PAM: variants seen among roughly 807,000 people sequenced by gnomAD.
PAM encodes peptidylglycine alpha-amidating monooxygenase.
Under a neutral mutation model 122.1 loss-of-function variants are expected in PAM, and 72 were observed. The observed-to-expected ratio is 0.59, with a 90% confidence interval of 0.49 to 0.72. The LOEUF (loss-of-function observed/expected upper bound fraction) is 0.72. Ranked by LOEUF, PAM falls within the 30% of genes least tolerant of loss-of-function variation. The pLI is 0.00. For synonymous variants in PAM, 389 were observed against 404.4 expected, an observed-to-expected ratio of 0.96 and a Z score of 0.46; for missense variants, 1,106 against 1,183.7, an observed-to-expected ratio of 0.93 and a Z score of 0.96.
chr5:102,929,726 T>G (rs980478823), intron 7 of PAM, among the ~76,000 whole-genome samples: 1 of 152,162 alleles, frequency 6.6e-6, no homozygotes, highest in African/African-American at 2.4e-5. Context: ...TGGTAGAGTA[T>G]CTGAGAGAGT....
chr5:102,997,311 G>T (rs555447027), intron 16 of PAM, among the ~76,000 whole-genome samples: 1 of 152,220 alleles, frequency 6.6e-6, no homozygotes, highest in East Asian at 1.9e-4. Context: ...CTTGAGCCCA[G>T]AAGTTCAAGA....
At chr5:102,973,892 T>C (rs1234940054) in intron 14 of PAM, among the ~76,000 whole-genome samples, 1 of 152,216 alleles carries the variant, frequency 6.6e-6, no homozygotes, top group African/African-American at 2.4e-5. Flanking sequence ...TCTACTAATA[T>C]GTCAATAGAT....
At chr5:102,803,416 C>T (rs1342660922) in intron 1 of PAM, among the ~76,000 whole-genome samples, 1 of 151,888 alleles carries the variant, frequency 6.6e-6, no homozygotes, top group Non-Finnish European at 1.5e-5. Context: ...TGCCATAGGA[C>T]ATAAGTAAGG....
At chr5:102,903,020 A>T (rs998756010) in intron 4 of PAM, among the ~76,000 whole-genome samples, 1 of 151,604 alleles carries the variant, frequency 6.6e-6, no homozygotes, top group Admixed American at 6.6e-5. Flanking sequence ...AAGTGAGTAT[A>T]TTCAGTCAAG....
At position 103,007,023 on chromosome 5, in the gene PAM, G is replaced by A. The variant is rs367556579; in HGVS notation, c.2014+12G>A. 1.9e-6 allele frequency: 3 copies of A among 1,573,092 alleles called. No individual in the cohort carries two copies. The highest frequency in any genetic ancestry group is 2.6e-6 in the Non-Finnish European group (3 of 1,146,284). ...ACAGTGGGGAGAAGGTACCCAATAA[G>A]ACTCTTAATCTCCAGTTGTAATTCT... On this transcript the variant is annotated intron_variant, in intron 19 of 25. Transcript: ENST00000438793.
intron 7 of PAM, among the ~76,000 whole-genome samples, chr5:102,942,736 A>ATTTTTTTTTTTT (rs754559996): frequency 1.4e-5 from 2 of 138,470 alleles, no homozygotes; most frequent in Non-Finnish European, 1.5e-5. Flanking sequence ...TGCCCGGCTA[A>ATTTTTTTTTTTT]TTTTTTTTTT....
In PAM at chr5:102,958,332, A is replaced by G. The variant is rs74939968; in HGVS notation, c.906-1543A>G. The stretch of plus-strand genomic sequence containing the variant: ...AAGATGATTAAAGGTTTTTAAAGCT[A>G]GAGCCACATCTAAAATTCCTTTTTC... On this transcript the variant is annotated intron_variant, in intron 12 of 25. Transcript: ENST00000438793. Among the ~76,000 whole-genome samples the G allele has an allele frequency of 5.7e-3, 863 of 152,350 alleles. 10 individuals carry two copies. The highest frequency in any genetic ancestry group is 0.019 in the African/African-American group (786 of 41,592).
intron 3 of PAM, among the ~76,000 whole-genome samples, chr5:102,876,737 G>C (rs1443398211): frequency 6.6e-6 from 1 of 152,206 alleles, no homozygotes; most frequent in East Asian, 1.9e-4. Flanking sequence ...ACCCGATGGG[G>C]CCAGCTGTGT....
intron 12 of PAM, among the ~76,000 whole-genome samples, chr5:102,956,978 C>CT (rs1486121931): frequency 9.2e-5 from 14 of 152,076 alleles, no homozygotes; most frequent in African/African-American, 2.6e-4. Flanking sequence ...TATTTTGAAG[C>CT]TTTGCAGTAT....
chr5:102,790,861 T>C (rs920531353), intron 1 of PAM, among the ~76,000 whole-genome samples: 10 of 152,054 alleles, frequency 6.6e-5, no homozygotes, highest in Non-Finnish European at 1.3e-4. Flanking sequence ...AAGAAGACAA[T>C]ATTTTTAAAT....
intron 1 of PAM, among the ~76,000 whole-genome samples, chr5:102,772,851 T>A (rs919164747): frequency 2.0e-5 from 3 of 152,138 alleles, no homozygotes; most frequent in African/African-American, 7.2e-5. Context: ...TGTGTCTACC[T>A]TTTAATTTCA....
At chr5:103,013,015 C>T (rs1321484659) in intron 21 of PAM, among the ~76,000 whole-genome samples, 2 of 152,064 alleles carry the variant, frequency 1.3e-5, no homozygotes, top group Non-Finnish European at 2.9e-5. Context: ...TATGACTCCT[C>T]CAGTTTTGTT....
intron 7 of PAM, among the ~76,000 whole-genome samples, chr5:102,937,660 G>T (rs1419462667): frequency 6.6e-6 from 1 of 152,112 alleles, no homozygotes; most frequent in African/African-American, 2.4e-5. Context: ...GGGATCATCA[G>T]GCCTCACCCT....
chr5:103,028,870 T>A lies in PAM; in HGVS notation c.2744-17T>A. 4 of 1,580,988 alleles carry A rather than the reference T, an allele frequency of 2.5e-6. No individual in the cohort carries two copies. The South Asian group carries it at 4.6e-5, about 18-fold the overall frequency. Reference sequence around the variant, plus strand: ...TGCAAACTTTACCCAATTCTGTTATTGTTTGCTTTTTTTCAGGAAAGGGAA... The same window carrying A: ...TGCAAACTTTACCCAATTCTGTTATAGTTTGCTTTTTTTCAGGAAAGGGAA... On this transcript the variant is annotated splice_polypyrimidine_tract_variant and intron_variant, in intron 25 of 25. Coordinates refer to ENST00000438793, the MANE Select transcript of PAM (RefSeq NM_001177306.2).
intron 1 of PAM, among the ~76,000 whole-genome samples, chr5:102,842,205 A>AAT (rs71226933): frequency 0.048 from 6,827 of 142,758 alleles, 243 homozygotes; most frequent in South Asian, 0.11. Context: ...ATACAACCTA[A>AAT]ATATATATAT....
At chr5:102,842,927 T>C (rs1320591966) in intron 1 of PAM, among the ~76,000 whole-genome samples, 1 of 152,162 alleles carries the variant, frequency 6.6e-6, no homozygotes, top group Non-Finnish European at 1.5e-5. Flanking sequence ...TCTAGAGACA[T>C]TCTTATCCCA....
intron 7 of PAM, among the ~76,000 whole-genome samples, chr5:102,942,822 C>T (rs772911445): frequency 1.3e-5 from 2 of 151,476 alleles, no homozygotes; most frequent in East Asian, 1.9e-4. Context: ...TCACCTGCCT[C>T]GGCCTTCCAA....
intron 1 of PAM, among the ~76,000 whole-genome samples, chr5:102,794,589 A>G (rs1221793785): frequency 2.0e-5 from 3 of 152,198 alleles, no homozygotes; most frequent in Non-Finnish European, 2.9e-5. Context: ...AGAAAACTGA[A>G]GATAGTTTGA....
At position 103,009,857 on chromosome 5, in the gene PAM, A is replaced by T; in HGVS notation, c.2322A>T (p.Pro774=). Residue 774 remains proline (P), a synonymous_variant, in exon 21 of 26, where the codon CCA becomes CCT. Transcript: ENST00000438793. ...SNGEIIDIFK[P]VRKHFDMPHD... is the part of the protein sequence containing the mutation. ...GGGAAATTATAGACATCTTCAAGCC[A>T]GTGCGCAAGGTATTTACACACATTG... The T allele has an allele frequency of 6.4e-7, 1 of 1,571,148 alleles. No individual in the cohort carries two copies. The highest frequency in any genetic ancestry group is 8.7e-7 in the Non-Finnish European group (1 of 1,142,938).
Sources: allele counts gnomAD v4.1 joint callset (sites outside exome capture counted in the v4.1 genomes callset), GRCh38; gene constraint gnomAD v4.1.1; transcripts MANE v1.5; gene names NCBI Gene and HGNC (gene_info 2026-07-23, HGNC 2026-07-21).